Variants in TENM2 observed in about 807,000 individuals in gnomAD.
The protein encoded by TENM2 is teneurin transmembrane protein 2.
Under a neutral mutation model 245.2 loss-of-function variants are expected in TENM2, and 52 were observed. The observed-to-expected ratio is 0.21, with a 90% CI of 0.17 to 0.27. The LOEUF is 0.27. Among genes scored for constraint, TENM2 ranks in the 10% least tolerant of loss-of-function variants. The pLI, the probability that TENM2 is intolerant of heterozygous loss-of-function variation, is 1.00. For missense variants in TENM2, 3,046 were observed against 3,666.8 expected (o/e 0.83, Z 4.37); for synonymous variants, 1,363 against 1,438.9 (o/e 0.95, Z 1.19).
intron 2 of TENM2, among the ~76,000 whole-genome samples, chr5:167,680,328 C>G (rs1582733411): frequency 1.3e-5 from 2 of 149,724 alleles, no homozygotes; most frequent in South Asian, 2.1e-4. Flanking sequence ...AAAAAAATCC[C>G]TAAGAAAGAG....
chr5:167,428,069 TC>T (rs1763984309), intron 2 of TENM2, among the ~76,000 whole-genome samples: 1 of 152,200 alleles, frequency 6.6e-6, no homozygotes, highest in Non-Finnish European at 1.5e-5. Context: ...CTCTATTCCC[TC>T]CTTTTTTTGT....
intron 2 of TENM2, among the ~76,000 whole-genome samples, chr5:167,622,681 T>C (rs1043335433): frequency 6.6e-6 from 1 of 152,108 alleles, no homozygotes; most frequent in African/African-American, 2.4e-5. Flanking sequence ...TCATACACTG[T>C]AGACATGACA....
intron 4 of TENM2, among the ~76,000 whole-genome samples, chr5:167,960,283 A>G (rs528050143): frequency 2.4e-4 from 36 of 152,348 alleles, no homozygotes; most frequent in African/African-American, 7.5e-4. Flanking sequence ...AGTCTGCTGA[A>G]GCTGTGCCCA....
At chr5:167,660,110 A>G (rs1158805941) in intron 2 of TENM2, 1 of 152,096 alleles carries the variant, frequency 6.6e-6, no homozygotes, top group African/African-American at 2.4e-5. Flanking sequence ...CCTTTTCTGG[A>G]TGCTGGCAGT....
chr5:167,630,893 G>T (rs535323316), intron 2 of TENM2, among the ~76,000 whole-genome samples: 7 of 152,282 alleles, frequency 4.6e-5, no homozygotes, highest in Admixed American at 1.3e-4. Context: ...ACAGAAGATT[G>T]ATTTATTTTC....
intron 2 of TENM2, among the ~76,000 whole-genome samples, chr5:167,556,029 C>A (rs1038906468): frequency 2.0e-5 from 3 of 152,030 alleles, no homozygotes; most frequent in African/African-American, 4.8e-5. Flanking sequence ...AAATAAAATG[C>A]CCTTATTAAA....
At chr5:168,000,650 T>G (rs151290877) in intron 5 of TENM2, among the ~76,000 whole-genome samples, 73 of 152,320 alleles carry the variant, frequency 4.8e-4, no homozygotes, top group African/African-American at 1.6e-3. Context: ...AAAGAGGTTG[T>G]CAATTAAACT....
chr5:167,681,658 A>T (rs1756714311), intron 2 of TENM2, among the ~76,000 whole-genome samples: 1 of 152,112 alleles, frequency 6.6e-6, no homozygotes, highest in Non-Finnish European at 1.5e-5. Flanking sequence ...AATTATGTAT[A>T]TATGTATGCA....
At chr5:167,155,270 A>C in the TENM2 span, among the ~76,000 whole-genome samples, 1 of 152,218 alleles carries the variant, frequency 6.6e-6, no homozygotes, top group African/African-American at 2.4e-5. Context: ...AGAATTTTCC[A>C]AGCTGTGTTC....
intron 25 of TENM2, chr5:168,231,122 G>A (rs1021054416): frequency 2.0e-5 from 3 of 152,228 alleles, no homozygotes; most frequent in Non-Finnish European, 4.4e-5. Context: ...GATACGGCAG[G>A]CCTCACTTCC....
chr5:167,300,090 C>T (rs1755219326), intron 1 of TENM2, among the ~76,000 whole-genome samples: 1 of 152,124 alleles, frequency 6.6e-6, no homozygotes, highest in Non-Finnish European at 1.5e-5. Context: ...GGTCCTGGCT[C>T]TTGTGTAAGG....
intron 2 of TENM2, among the ~76,000 whole-genome samples, chr5:167,565,501 C>T (rs918714778): frequency 3.9e-5 from 6 of 152,186 alleles, no homozygotes; most frequent in African/African-American, 9.7e-5. Flanking sequence ...ATTGGTGCCC[C>T]AGCAGCTTCC....
At chr5:167,316,406 G>T (rs1051047239) in intron 1 of TENM2, among the ~76,000 whole-genome samples, 10 of 152,140 alleles carry the variant, frequency 6.6e-5, no homozygotes, top group Non-Finnish European at 4.4e-5. Context: ...ATGCAGTATT[G>T]GGGCCACAAC....
At chr5:167,785,364 C>CT (rs1339878775) in intron 2 of TENM2, among the ~76,000 whole-genome samples, 2 of 152,018 alleles carry the variant, frequency 1.3e-5, no homozygotes, top group East Asian at 1.9e-4. Context: ...TCTTTCTTCC[C>CT]TTTTTTTTCC....
At chr5:167,935,028 C>T (rs771240796) in intron 3 of TENM2, 4 of 539,820 alleles carry the variant, frequency 7.4e-6, no homozygotes, top group African/African-American at 2.1e-5. Flanking sequence ...TGAGTGCGAG[C>T]GGGAAAGGTC....
the TENM2 span, among the ~76,000 whole-genome samples, chr5:167,216,655 G>T: frequency 3.9e-5 from 6 of 152,222 alleles, no homozygotes; most frequent in African/African-American, 1.4e-4. Flanking sequence ...GGCCAGGCAT[G>T]ATGGCTTATG....
the TENM2 span, among the ~76,000 whole-genome samples, chr5:167,016,719 C>CT: frequency 7.2e-5 from 11 of 151,836 alleles, no homozygotes; most frequent in African/African-American, 1.5e-4. Context: ...TGCTAGTTTG[C>CT]TTTTTTTTGT....
In TENM2 at chr5:168,238,268, A is replaced by AGAAAAGAAAGGAAAG. The variant is rs1554230376; in HGVS notation, c.5521-6143_5521-6142insGGAAAGGAAAAGAAA. 1.7e-4 allele frequency among the ~76,000 whole-genome samples: 20 copies of AGAAAAGAAAGGAAAG among 120,882 alleles called. 2 individuals carry two copies. The East Asian group carries it at 3.1e-3, about 19-fold the overall frequency. The allele number at this position is 120,882 out of a possible 152,430, so 79.3% of individuals were successfully genotyped here. A position where few individuals can be genotyped will look rare whatever the true frequency, so the allele number is the denominator to read the frequency against. ...AGAAAAGAAAAGAAAAGAAAAGAAA[A>AGAAAAGAAAGGAAAG]GAAAAGAAAAGAAAAGAAAAGAAAA... On this transcript the variant is annotated intron_variant, in intron 25 of 28. Transcript: ENST00000518659.
At chr5:168,238,807 G>A (rs1765836614) in intron 25 of TENM2, among the ~76,000 whole-genome samples, 1 of 152,184 alleles carries the variant, frequency 6.6e-6, no homozygotes, top group South Asian at 2.1e-4. Context: ...AAATAAAAAA[G>A]CATGCTAAAT....
Sources: gnomAD v4.1 joint callset for allele counts (sites outside exome capture counted in the v4.1 genomes callset) on GRCh38, gnomAD v4.1.1 for gene constraint, MANE v1.5 for transcripts, NCBI Gene and HGNC (gene_info 2026-07-23, HGNC 2026-07-21) for gene names.